Variants in EPHA6 observed in about 807,000 individuals in gnomAD.
EPHA6 encodes the protein EPH receptor A6, also known as ephrin type-A receptor 6.
Under a neutral mutation model 112.0 loss-of-function variants are expected in EPHA6, and 50 were observed. That is an observed-to-expected ratio of 0.45 (90% CI 0.36 to 0.56). EPHA6 has a LOEUF of 0.56. Ranked by LOEUF, EPHA6 falls within the 20% of genes least tolerant of loss-of-function variation. The probability of loss-of-function intolerance (pLI) is 0.00; values close to 1 mark genes in which losing one functional copy is unlikely to be tolerated. For missense variants in EPHA6, 1,280 were observed against 1,417.4 expected, an observed-to-expected ratio of 0.90 and a Z score of 1.56; for synonymous variants, 529 against 490.7, an observed-to-expected ratio of 1.08 and a Z score of -1.03.
chr3:97,249,030 G>T (rs1350454527), intron 5 of EPHA6, among the ~76,000 whole-genome samples: 7 of 149,134 alleles, frequency 4.7e-5, no homozygotes, highest in African/African-American at 1.7e-4. Context: ...AAAAACCTAT[G>T]CAATACTATT....
chr3:96,913,153 A>AC (rs1234842353), intron 2 of EPHA6, among the ~76,000 whole-genome samples: 36 of 141,178 alleles, frequency 2.5e-4, no homozygotes, highest in African/African-American at 7.2e-4. Context: ...ACATAGTGAG[A>AC]CCCCGTCTAC....
At chr3:97,648,165 C>T in intron 14 of EPHA6, 1 of 463,090 alleles carries the variant, frequency 2.2e-6, no homozygotes, top group Non-Finnish European at 3.8e-6. Context: ...TTTTGTTTGT[C>T]TGACAGCAGC....
At chr3:97,472,756 C>CA (rs2091263907) in intron 7 of EPHA6, among the ~76,000 whole-genome samples, 1 of 151,730 alleles carries the variant, frequency 6.6e-6, no homozygotes, top group Non-Finnish European at 1.5e-5. Context: ...TTTAATTCAA[C>CA]ATTATCATTT....
chr3:97,466,321 A>C, intron 7 of EPHA6: 1 of 1,547,738 alleles, frequency 6.5e-7, no homozygotes, highest in Non-Finnish European at 8.9e-7. Flanking sequence ...AGAAGTAACT[A>C]TACCTAGTTT....
At chr3:96,842,770 C>T (rs1161320791) in intron 1 of EPHA6, among the ~76,000 whole-genome samples, 4 of 151,950 alleles carry the variant, frequency 2.6e-5, no homozygotes, top group African/African-American at 9.7e-5. Flanking sequence ...GAGAAAATTC[C>T]CCCAGAAAAA....
intron 3 of EPHA6, among the ~76,000 whole-genome samples, chr3:97,122,328 C>T (rs1394905453): frequency 6.6e-6 from 1 of 151,960 alleles, no homozygotes; most frequent in Non-Finnish European, 1.5e-5. Flanking sequence ...ACAATATCAT[C>T]TCAATGACAC....
At chr3:97,400,662 G>C (rs1337209025) in intron 5 of EPHA6, among the ~76,000 whole-genome samples, 1 of 151,424 alleles carries the variant, frequency 6.6e-6, no homozygotes, top group African/African-American at 2.4e-5. Flanking sequence ...TATATTCCTA[G>C]ATATGATATT....
chr3:97,288,461 C>T (rs543820144), intron 5 of EPHA6, among the ~76,000 whole-genome samples: 44 of 152,290 alleles, frequency 2.9e-4, no homozygotes, highest in African/African-American at 9.9e-4. Context: ...ATATACATCA[C>T]ATTTTTCTTT....
At chr3:97,105,572 T>C (rs2047542209) in intron 3 of EPHA6, among the ~76,000 whole-genome samples, 1 of 152,142 alleles carries the variant, frequency 6.6e-6, no homozygotes, top group Non-Finnish European at 1.5e-5. Context: ...TCTGTCTGAT[T>C]GTGTGATCAG....
chr3:97,536,548 A>G (rs2092766919), intron 11 of EPHA6, among the ~76,000 whole-genome samples: 1 of 152,190 alleles, frequency 6.6e-6, no homozygotes, highest in Admixed American at 6.6e-5. Context: ...TATTGAAGTT[A>G]TAACAGAAAG....
intron 3 of EPHA6, among the ~76,000 whole-genome samples, chr3:97,050,525 G>A (rs1370147763): frequency 1.3e-5 from 2 of 152,122 alleles, no homozygotes; most frequent in Non-Finnish European, 2.9e-5. Flanking sequence ...TAAATAGACT[G>A]TGTTGCTTTG....
At chr3:97,438,091 T>C (rs9823157) in intron 6 of EPHA6, among the ~76,000 whole-genome samples, 18,819 of 152,160 alleles carry the variant, frequency 0.12, 3,730 homozygotes, top group African/African-American at 0.41. Context: ...AATGAAGGCA[T>C]TTTCTTCAGG....
chr3:96,891,146 A>T (rs1205777390), intron 2 of EPHA6, among the ~76,000 whole-genome samples: 1 of 152,220 alleles, frequency 6.6e-6, no homozygotes, highest in East Asian at 1.9e-4. Flanking sequence ...ATATATGCAC[A>T]GTAGAAATGT....
chr3:97,239,322 G>A (rs1444342771), intron 4 of EPHA6, among the ~76,000 whole-genome samples: 4 of 151,520 alleles, frequency 2.6e-5, no homozygotes, highest in African/African-American at 9.7e-5. Flanking sequence ...ACAATACTTT[G>A]AAAACAAAAA....
At chr3:96,919,252 A>G (rs375000066) in intron 2 of EPHA6, among the ~76,000 whole-genome samples, 2 of 151,936 alleles carry the variant, frequency 1.3e-5, no homozygotes, top group East Asian at 3.8e-4. Context: ...AGTATACTAC[A>G]CTGAAAACCA....
At chr3:96,837,370 A>G (rs1273019814) in intron 1 of EPHA6, among the ~76,000 whole-genome samples, 1 of 152,152 alleles carries the variant, frequency 6.6e-6, no homozygotes, top group African/African-American at 2.4e-5. Context: ...GGCTTCTCAC[A>G]GGACATAATG....
chr3:97,041,985 C>T lies in EPHA6; in HGVS notation c.1114+53992C>T, dbSNP rs1367925767. Among the ~76,000 whole-genome samples, 3 of 152,090 alleles carry T rather than the reference C, an allele frequency of 2.0e-5. No homozygotes were observed. In the East Asian group the frequency reaches 5.8e-4, roughly 29 times the overall value. ...ATCCAAACCATGTCAGTACCTGATA[C>T]CTCAGTGAGACAAACCTTAATGGCC... On this transcript the variant is annotated intron_variant, in intron 3 of 17. Coordinates refer to ENST00000389672, the MANE Select transcript of EPHA6 (RefSeq NM_001080448.3).
At chr3:97,679,604 T>C (rs1486381918) in intron 14 of EPHA6, among the ~76,000 whole-genome samples, 2 of 152,168 alleles carry the variant, frequency 1.3e-5, no homozygotes, top group Admixed American at 1.3e-4. Flanking sequence ...TAGTCAATCG[T>C]TTGTTTTTAA....
intron 2 of EPHA6, among the ~76,000 whole-genome samples, chr3:96,894,829 A>G (rs1224801057): frequency 6.6e-6 from 1 of 152,152 alleles, no homozygotes; most frequent in Non-Finnish European, 1.5e-5. Context: ...AAAGCAAAGG[A>G]AAGTGCAGGA....
Sources: gnomAD v4.1 joint callset for allele counts (sites outside exome capture counted in the v4.1 genomes callset) on GRCh38, gnomAD v4.1.1 for gene constraint, MANE v1.5 for transcripts, NCBI Gene and HGNC (gene_info 2026-07-23, HGNC 2026-07-21) for gene names.